The following QTMAN variants were observed in gnomAD, a reference collection of about 807,000 sequenced individuals.
QTMAN encodes the protein tRNA-queuosine alpha-mannosyltransferase.
At chr2:143,958,788 T>C in the QTMAN span, among the ~76,000 whole-genome samples, 1 of 149,882 alleles carries the variant, frequency 6.7e-6, no homozygotes, top group African/African-American at 2.4e-5. Context: ...CTTTCTTTTT[T>C]TTTTTTTTTT....
At chr2:144,310,613 A>T in the QTMAN span, among the ~76,000 whole-genome samples, 1 of 152,226 alleles carries the variant, frequency 6.6e-6, no homozygotes, top group Non-Finnish European at 1.5e-5. Flanking sequence ...GTAGTAGTAG[A>T]GGGAGTGAAA....
At chr2:144,190,859 T>A in the QTMAN span, among the ~76,000 whole-genome samples, 4 of 152,198 alleles carry the variant, frequency 2.6e-5, no homozygotes, top group Non-Finnish European at 5.9e-5. Flanking sequence ...ACACTGTTCC[T>A]ACAAAGCAGA....
the QTMAN span, among the ~76,000 whole-genome samples, chr2:144,111,579 C>T: frequency 6.6e-6 from 1 of 152,170 alleles, no homozygotes; most frequent in African/African-American, 2.4e-5. Flanking sequence ...CTTATAACTG[C>T]ATCTGTCCAG....
At chr2:144,228,322 A>G in the QTMAN span, among the ~76,000 whole-genome samples, 1 of 152,214 alleles carries the variant, frequency 6.6e-6, no homozygotes, top group African/African-American at 2.4e-5. Context: ...CTAGCTAGAA[A>G]AAAAAGAATT....
the QTMAN span, among the ~76,000 whole-genome samples, chr2:144,048,458 T>C: frequency 2.0e-5 from 3 of 152,172 alleles, no homozygotes; most frequent in East Asian, 1.9e-4. Context: ...ACAGTGTCTA[T>C]AGGCTATCAG....
the QTMAN span, among the ~76,000 whole-genome samples, chr2:144,086,858 G>A: frequency 6.6e-6 from 1 of 152,028 alleles, no homozygotes; most frequent in Admixed American, 6.6e-5. Context: ...TCTCCTTTTT[G>A]GAGTCCTTTT....
At chr2:144,036,308 T>A in the QTMAN span, among the ~76,000 whole-genome samples, 2 of 152,346 alleles carry the variant, frequency 1.3e-5, no homozygotes, top group South Asian at 4.1e-4. Context: ...AGGAAAAGCC[T>A]TGGCTGCATA....
At chr2:144,136,444 G>GGAAAGGAAAGGAAAA in the QTMAN span, among the ~76,000 whole-genome samples, 1 of 145,552 alleles carries the variant, frequency 6.9e-6, no homozygotes, top group Non-Finnish European at 1.5e-5. Flanking sequence ...GGAAAAGAAA[G>GGAAAGGAAAGGAAAA]GAAAGGAGAA....
At chr2:144,140,909 T>C in the QTMAN span, among the ~76,000 whole-genome samples, 1 of 152,032 alleles carries the variant, frequency 6.6e-6, no homozygotes, top group Non-Finnish European at 1.5e-5. Flanking sequence ...TTTTCTTCGA[T>C]GAAATATTAA....
the QTMAN span, among the ~76,000 whole-genome samples, chr2:144,090,699 T>C: frequency 2.0e-5 from 3 of 152,032 alleles, no homozygotes; most frequent in Non-Finnish European, 1.5e-5. Flanking sequence ...TATATTGATG[T>C]ATATGTTAAT....
chr2:144,274,693 T>C, the QTMAN span, among the ~76,000 whole-genome samples: 3 of 152,240 alleles, frequency 2.0e-5, no homozygotes, highest in Non-Finnish European at 4.4e-5. Flanking sequence ...TATGCATCTC[T>C]TTCCTCTGGC....
chr2:144,206,669 A>G, the QTMAN span, among the ~76,000 whole-genome samples: 1 of 152,178 alleles, frequency 6.6e-6, no homozygotes, highest in Non-Finnish European at 1.5e-5. Context: ...TTATATCACC[A>G]TCTTTCAGAT....
At chr2:144,138,866 CT>C in the QTMAN span, among the ~76,000 whole-genome samples, 1 of 152,064 alleles carries the variant, frequency 6.6e-6, no homozygotes, top group East Asian at 1.9e-4. Flanking sequence ...CCATCTGAAT[CT>C]TATGAATCAC....
At chr2:144,148,095 A>C in the QTMAN span, among the ~76,000 whole-genome samples, 1 of 151,840 alleles carries the variant, frequency 6.6e-6, no homozygotes, top group African/African-American at 2.4e-5. Flanking sequence ...GAAAAATTTG[A>C]ATATGGGCTA....
the QTMAN span, among the ~76,000 whole-genome samples, chr2:144,204,920 A>G: frequency 6.9e-6 from 1 of 144,740 alleles, no homozygotes; most frequent in Admixed American, 7.3e-5. Context: ...GCATGTTCTC[A>G]CTCATAGGTG....
the QTMAN span, among the ~76,000 whole-genome samples, chr2:144,324,936 A>C: frequency 6.6e-6 from 1 of 152,088 alleles, no homozygotes; most frequent in South Asian, 2.1e-4. Context: ...TTCAGATGCC[A>C]GGAGCCCAGG....
At chr2:144,076,835 C>T in the QTMAN span, among the ~76,000 whole-genome samples, 4 of 151,940 alleles carry the variant, frequency 2.6e-5, no homozygotes, top group Non-Finnish European at 5.9e-5. Context: ...AGCAAAACCA[C>T]AGGCCGGGCA....
At chr2:144,214,056 A>G in the QTMAN span, among the ~76,000 whole-genome samples, 1 of 152,208 alleles carries the variant, frequency 6.6e-6, no homozygotes, top group Non-Finnish European at 1.5e-5. Flanking sequence ...GTTAAAATAT[A>G]CCTGAAATCT....
the QTMAN span, among the ~76,000 whole-genome samples, chr2:144,099,954 C>T: frequency 1.3e-5 from 2 of 152,198 alleles, no homozygotes; most frequent in African/African-American, 4.8e-5. Context: ...TTATTAGTCA[C>T]TTTACCCTTC....
Sources: gnomAD v4.1 joint callset for allele counts (sites outside exome capture counted in the v4.1 genomes callset) on GRCh38, gnomAD v4.1.1 for gene constraint, MANE v1.5 for transcripts, NCBI Gene and HGNC (gene_info 2026-07-23, HGNC 2026-07-21) for gene names.